The following ARHGEF10 variants were observed in gnomAD, a reference collection of about 807,000 sequenced individuals.
ARHGEF10 encodes Rho guanine nucleotide exchange factor 10.
A neutral mutation model predicts 147.4 loss-of-function variants in ARHGEF10; 140 were observed. The observed-to-expected ratio is 0.95, with a 90% CI of 0.83 to 1.09. The LOEUF (loss-of-function observed/expected upper bound fraction) is 1.09. Among genes scored for constraint, ARHGEF10 ranks in the 50% least tolerant of loss-of-function variants. The pLI, the probability that ARHGEF10 is intolerant of heterozygous loss-of-function variation, is 0.00. For missense variants in ARHGEF10, 2,222 were observed against 1,752.7 expected (o/e 1.27, Z -4.78); for synonymous variants, 902 against 695.8 (o/e 1.30, Z -4.67).
At chr8:1,945,754 G>C in intron 27 of ARHGEF10, 99 bp downstream of exon 27, 1 of 1,507,816 alleles carries the variant, frequency 6.6e-7, no homozygotes, top group Non-Finnish European at 9.2e-7. Context: ...TCCCAGTGCA[G>C]GACACTGTTC....
intron 8 of ARHGEF10, 116 bp from the exon 9 acceptor site, chr8:1,879,932 C>T: frequency 1.2e-6 from 1 of 802,044 alleles, no homozygotes; most frequent in Admixed American, 1.7e-5. Context: ...AAGCCCCCAG[C>T]CAGGACAGGC....
intron 25 of ARHGEF10, among the ~76,000 whole-genome samples, chr8:1,930,741 C>T (rs1022841326): frequency 1.3e-5 from 2 of 152,246 alleles, no homozygotes; most frequent in Admixed American, 6.5e-5. Flanking sequence ...TCGACCTGCT[C>T]CACGGGGACG....
rs183131285 is a variant in ARHGEF10 at position 1,952,613 on chromosome 8, G to A, written c.3398-92G>A. 25 of 1,549,172 alleles carry A rather than the reference G, an allele frequency of 1.6e-5. No homozygotes were observed. The Admixed American group carries it at 3.9e-4, about 24-fold the overall frequency. On this transcript the variant is annotated intron_variant, in intron 27 of 28. Transcript: ENST00000349830. ...CCCCTGGCGGATTTGGTGGTGGCAC[G>A]ACAGGCCTGTGGGGTTTCCAGCACC...
At chr8:1,915,648 T>C (rs1360478127) in intron 18 of ARHGEF10, among the ~76,000 whole-genome samples, 2 of 152,262 alleles carry the variant, frequency 1.3e-5, no homozygotes, top group Non-Finnish European at 2.9e-5. Flanking sequence ...TCTCCGTCAC[T>C]GTGTCTGTTT....
intron 3 of ARHGEF10, among the ~76,000 whole-genome samples, 184 bp from the exon 4 acceptor site, chr8:1,859,713 T>A (rs1240254821): frequency 6.6e-6 from 1 of 152,040 alleles, no homozygotes; most frequent in African/African-American, 2.4e-5. Context: ...TGCCCAGAGG[T>A]GATGCTGGGT....
intron 22 of ARHGEF10, 63 bp from the exon 23 acceptor site, chr8:1,926,314 A>G (rs955635548): frequency 2.3e-6 from 3 of 1,328,984 alleles, no homozygotes; most frequent in Non-Finnish European, 3.3e-6. Flanking sequence ...TTAAGACGTT[A>G]TGTAGTCTAG....
rs1367538699 is a variant in ARHGEF10 at position 1,864,409 on chromosome 8, C to A, written c.518C>A (p.Ser173Tyr). 1 of 1,614,182 alleles carries A rather than the reference C, an allele frequency of 6.2e-7. No individual in the cohort carries two copies. The highest frequency in any genetic ancestry group is 8.5e-7 in the Non-Finnish European group (1 of 1,180,032). ...PEVTEDRQPNSLSSEEPPTSE... is the reference protein window; with the variant it reads ...PEVTEDRQPNYLSSEEPPTSE... The stretch of plus-strand genomic sequence containing the variant: ...GTCACAGAAGATCGCCAGCCCAATT[C>A]TCTGAGTTCCGAGGAGCCTCCAACC... The change falls in exon 5 of 29, where the codon TCT becomes TAT. Residue 173 changes from serine to tyrosine, a missense_variant. Physicochemically the swap from Ser to Tyr is moderately radical, Grantham distance 144. Transcript: ENST00000349830.
chr8:1,864,705 G>T (rs1241034591), intron 5 of ARHGEF10, among the ~76,000 whole-genome samples: 1 of 152,214 alleles, frequency 6.6e-6, no homozygotes, highest in African/African-American at 2.4e-5. Flanking sequence ...CCCTGCTGTT[G>T]CTTTCCCTCA....
intron 11 of ARHGEF10, among the ~76,000 whole-genome samples, chr8:1,888,189 TTTGCGAGGAGACACTTAGTGGGGCGAGGG>T (rs1808913626): frequency 1.6e-4 from 5 of 32,032 alleles, no homozygotes; most frequent in African/African-American, 1.5e-3. Context: ...GGGGTGAGGG[TTTGCGAGGAGACACTTAGTGGGGCGAGGG>T]TTGCGAGGAG....
Position 1,957,213 on chromosome 8 carries a change from G to C in ARHGEF10, c.3985G>C (p.Glu1329Gln). The change falls in exon 29 of 29, where the codon GAG becomes CAG. Residue 1329 changes from glutamate to glutamine, a missense_variant. Glu to Gln is a conservative substitution (Grantham distance 29). Transcript: ENST00000349830. ...GAAGGCCCGGCAGCCCCACCAGGAA[G>C]AGCTGGCGCCGACCGTCATGGTCTG... Reference protein sequence around the residue: ...HRKARQPHQEELAPTVMVWQI... With the variant: ...HRKARQPHQEQLAPTVMVWQI... 1 of 1,612,148 alleles carries C rather than the reference G, an allele frequency of 6.2e-7. No individual in the cohort carries two copies.
At chr8:1,849,671 GGCC>G in intron 2 of ARHGEF10, among the ~76,000 whole-genome samples, 1 of 139,026 alleles carries the variant, frequency 7.2e-6, no homozygotes, top group South Asian at 2.2e-4. Flanking sequence ...GGCGTGGGGT[GGCC>G]ACGTGGGCAT....
At chr8:1,868,672 T>C (rs1478593416) in intron 6 of ARHGEF10, among the ~76,000 whole-genome samples, 1 of 152,242 alleles carries the variant, frequency 6.6e-6, no homozygotes, top group African/African-American at 2.4e-5. Context: ...TTACTTTCAG[T>C]GGCACAAAAT....
At chr8:1,954,793 A>C (rs1282624562) in intron 28 of ARHGEF10, among the ~76,000 whole-genome samples, 8 of 152,160 alleles carry the variant, frequency 5.3e-5, no homozygotes, top group Admixed American at 5.2e-4. Context: ...CGGCTTTTGC[A>C]TTTTCCTAGC....
intron 2 of ARHGEF10, among the ~76,000 whole-genome samples, chr8:1,848,655 T>A (rs1804737970): frequency 6.6e-6 from 1 of 152,228 alleles, no homozygotes; most frequent in Non-Finnish European, 1.5e-5. Context: ...AAAATTACAA[T>A]GCATGTTAAT....
At chr8:1,931,427 G>T (rs1813134837) in intron 25 of ARHGEF10, among the ~76,000 whole-genome samples, 1 of 152,184 alleles carries the variant, frequency 6.6e-6, no homozygotes, top group African/African-American at 2.4e-5. Context: ...TTGCTGTCCT[G>T]TCCACTGTGG....
chr8:1,869,271 G>C, intron 7 of ARHGEF10, 21 bp downstream of exon 7: 2 of 1,605,764 alleles, frequency 1.2e-6, no homozygotes, highest in Non-Finnish European at 8.5e-7. Flanking sequence ...GTCTGGAATT[G>C]ATTTGAGGAG....
intron 6 of ARHGEF10, among the ~76,000 whole-genome samples, chr8:1,867,857 G>C (rs377383517): frequency 1.5e-3 from 231 of 152,334 alleles, no homozygotes; most frequent in African/African-American, 5.3e-3. Flanking sequence ...CCTCCTGGAA[G>C]TTTTCATTCT....
At position 1,884,209 on chromosome 8, in the gene ARHGEF10, C is replaced by T. The variant is rs187645049; in HGVS notation, c.1076-1392C>T. Among the ~76,000 whole-genome samples, 1,478 of 152,078 alleles carry T rather than the reference C, an allele frequency of 9.7e-3. 15 individuals are homozygous for T. The highest frequency in any genetic ancestry group is 0.016 in the Non-Finnish European group (1,114 of 67,984). On this transcript the variant is annotated intron_variant, in intron 10 of 28. Transcript: ENST00000349830. ...GAGATCAAGACCATCCTGGCTAACA[C>T]GGTGAAACCCCGTCTCTACTAAAAA...
intron 1 of ARHGEF10, among the ~76,000 whole-genome samples, chr8:1,834,810 G>A (rs1389379400): frequency 9.2e-5 from 14 of 152,192 alleles, no homozygotes; most frequent in Middle Eastern, 3.2e-3. Flanking sequence ...AATCAATCGG[G>A]TGCAGAATGC....
Sources: allele counts gnomAD v4.1 joint callset (sites outside exome capture counted in the v4.1 genomes callset), GRCh38; gene constraint gnomAD v4.1.1; transcripts MANE v1.5; gene names NCBI Gene and HGNC (gene_info 2026-07-23, HGNC 2026-07-21).